YAF2: variants seen among roughly 807,000 people sequenced by gnomAD.
YAF2 encodes the protein YY1 associated factor 2, also known as YY1-associated factor 2.
A neutral mutation model predicts 20.1 loss-of-function variants in YAF2; 7 were observed. The observed-to-expected ratio is 0.35, with a 90% CI of 0.20 to 0.65. YAF2 has a LOEUF of 0.65. Ranked by LOEUF, YAF2 falls within the 30% of genes least tolerant of loss-of-function variation. The probability of loss-of-function intolerance (pLI) is 0.69; values close to 1 mark genes in which losing one functional copy is unlikely to be tolerated. For missense variants in YAF2, 151 were observed against 219.2 expected, an observed-to-expected ratio of 0.69 and a Z score of 1.96; for synonymous variants, 74 against 76.0, an observed-to-expected ratio of 0.97 and a Z score of 0.14.
chr12:42,234,944 T>C (rs1398091785), intron 2 of YAF2: 1 of 949,228 alleles, frequency 1.1e-6, no homozygotes, highest in Non-Finnish European at 1.3e-6. Context: ...GCCTGGATGA[T>C]GCCACTGCAA....
At chr12:42,238,060 C>T in intron 1 of YAF2, 95 bp downstream of exon 1, 10 of 1,132,182 alleles carry the variant, frequency 8.8e-6, no homozygotes, top group Non-Finnish European at 1.1e-5. Context: ...GTGCTCGCCC[C>T]GGTGCCCGGG....
At chr12:42,228,000 C>T (rs544550801) in intron 2 of YAF2, among the ~76,000 whole-genome samples, 12 of 138,334 alleles carry the variant, frequency 8.7e-5, no homozygotes, top group African/African-American at 2.2e-4. Flanking sequence ...CCTGGCCAGC[C>T]GCCCCGTCCA....
At chr12:42,191,657 A>G (rs1217524338) in intron 2 of YAF2, among the ~76,000 whole-genome samples, 1 of 152,208 alleles carries the variant, frequency 6.6e-6, no homozygotes, top group African/African-American at 2.4e-5. Context: ...TGTGCCAAGC[A>G]TCACACTTAG....
chr12:42,225,845 T>C (rs1271050230), intron 2 of YAF2, among the ~76,000 whole-genome samples: 1 of 152,226 alleles, frequency 6.6e-6, no homozygotes, highest in Non-Finnish European at 1.5e-5. Context: ...TCCTTAGGAC[T>C]GTTTTGGGTA....
intron 2 of YAF2, among the ~76,000 whole-genome samples, chr12:42,164,179 T>C (rs1262723224): frequency 2.0e-5 from 3 of 152,234 alleles, no homozygotes; most frequent in Non-Finnish European, 4.4e-5. Flanking sequence ...ACATATGCCA[T>C]GATTAGACTG....
rs2068190045 is a variant in YAF2, at chr12:42,237,148, TAA to T, written c.152+449_152+450del. ...CCTTCCAGAAGTACATGTAGAAAAA[TAA>T]GTTTTAATATATTGTGTATTCTGCA... On this transcript the variant is annotated intron_variant, in intron 2 of 3. Coordinates refer to ENST00000534854, the MANE Select transcript of YAF2 (RefSeq NM_005748.6). 4.6e-5 allele frequency among the ~76,000 whole-genome samples: 7 copies of T among 152,192 alleles called. No individual in the cohort carries two copies. The South Asian group carries it at 1.2e-3, about 27-fold the overall frequency.
intron 2 of YAF2, among the ~76,000 whole-genome samples, chr12:42,187,604 C>G (rs922603657): frequency 1.3e-5 from 2 of 152,148 alleles, no homozygotes; most frequent in African/African-American, 2.4e-5. Flanking sequence ...AATTCAAATC[C>G]TACTCTGATA....
At chr12:42,235,882 A>G (rs1310748336) in intron 2 of YAF2, 1 of 1,535,996 alleles carries the variant, frequency 6.5e-7, no homozygotes, top group South Asian at 1.2e-5. Flanking sequence ...GGTGCCAGGT[A>G]TTCAGCCTGT....
intron 2 of YAF2, among the ~76,000 whole-genome samples, chr12:42,225,124 C>A (rs1484898113): frequency 6.6e-6 from 1 of 152,180 alleles, no homozygotes; most frequent in Non-Finnish European, 1.5e-5. Context: ...CTCTAATGAC[C>A]AGTGATGAGT....
intron 2 of YAF2, among the ~76,000 whole-genome samples, chr12:42,220,288 T>G (rs1343545978): frequency 6.6e-6 from 1 of 152,196 alleles, no homozygotes; most frequent in Non-Finnish European, 1.5e-5. Flanking sequence ...AAATCTTTAA[T>G]GTATACATAA....
chr12:42,180,071 T>G (rs1314225701), intron 2 of YAF2, among the ~76,000 whole-genome samples: 1 of 152,288 alleles, frequency 6.6e-6, no homozygotes, highest in Non-Finnish European at 1.5e-5. Flanking sequence ...ACTTAGTCAC[T>G]CATGAAAATG....
At chr12:42,226,337 T>G (rs2067694880) in intron 2 of YAF2, among the ~76,000 whole-genome samples, 1 of 152,226 alleles carries the variant, frequency 6.6e-6, no homozygotes, top group African/African-American at 2.4e-5. Flanking sequence ...TTAAAAATGC[T>G]AAGGTGTTCA....
chr12:42,225,832 T>C (rs1467443485), intron 2 of YAF2, among the ~76,000 whole-genome samples: 1 of 152,350 alleles, frequency 6.6e-6, no homozygotes, highest in Admixed American at 6.5e-5. Flanking sequence ...GCTTTGTTCT[T>C]TTTCCTTAGG....
chr12:42,164,914 A>G (rs1051243590), intron 2 of YAF2, among the ~76,000 whole-genome samples: 6 of 152,042 alleles, frequency 3.9e-5, no homozygotes, highest in African/African-American at 7.2e-5. Flanking sequence ...TACAAAAAAA[A>G]TACAGAAATT....
chr12:42,174,216 C>A (rs1382559315), intron 2 of YAF2, among the ~76,000 whole-genome samples: 1 of 152,020 alleles, frequency 6.6e-6, no homozygotes, highest in South Asian at 2.1e-4. Context: ...ATACTTTTCC[C>A]ACTCTCTCTC....
At chr12:42,209,758 G>A (rs2067152792) in intron 2 of YAF2, among the ~76,000 whole-genome samples, 1 of 152,032 alleles carries the variant, frequency 6.6e-6, no homozygotes, top group African/African-American at 2.4e-5. Context: ...TCCCTATATT[G>A]CTTTAGAACA....
intron 2 of YAF2, among the ~76,000 whole-genome samples, chr12:42,173,553 C>T (rs543599067): frequency 1.3e-4 from 20 of 152,226 alleles, no homozygotes; most frequent in Admixed American, 2.6e-4. Flanking sequence ...TCAACTTTCC[C>T]TTCCTCTTAG....
At chr12:42,235,507 C>T in intron 2 of YAF2, 3 of 1,278,058 alleles carry the variant, frequency 2.3e-6, no homozygotes, top group Non-Finnish European at 3.0e-6. Flanking sequence ...TAACAGATAA[C>T]AGAGAAATTA....
chr12:42,201,357 C>T lies in YAF2; in HGVS notation c.152+36242G>A, dbSNP rs2066894071. ...TTGATAGCTCGTACGTTTTCAACTG[C>T]ACTTCCCTACAAATGAGACTAAGCA... On this transcript the variant is annotated intron_variant, in intron 2 of 3. Coordinates refer to ENST00000534854, the MANE Select transcript of YAF2 (RefSeq NM_005748.6). Among the ~76,000 whole-genome samples, 4 of 152,202 alleles carry T rather than the reference C, an allele frequency of 2.6e-5. No individual in the cohort carries two copies. In the South Asian group the frequency reaches 8.3e-4, roughly 31 times the overall value.
Sources: allele counts gnomAD v4.1 joint callset (sites outside exome capture counted in the v4.1 genomes callset), GRCh38; gene constraint gnomAD v4.1.1; transcripts MANE v1.5; gene names NCBI Gene and HGNC (gene_info 2026-07-23, HGNC 2026-07-21).